The following CRACR2A variants were observed in gnomAD, a reference collection of about 807,000 sequenced individuals.
CRACR2A encodes calcium release activated channel regulator 2A.
Under a neutral mutation model 90.5 loss-of-function variants are expected in CRACR2A, and 79 were observed. The ratio of observed to expected loss-of-function variants is 0.87; its 90% CI spans 0.73 to 1.05. The LOEUF (loss-of-function observed/expected upper bound fraction) is 1.05. CRACR2A is among the 50% of genes least tolerant of loss of function. CRACR2A has a pLI of 0.00. For synonymous variants in CRACR2A, 338 were observed against 356.7 expected (o/e 0.95, Z 0.59); for missense variants, 823 against 897.2 (o/e 0.92, Z 1.06).
chr12:3,619,513 C>T, intron 17 of CRACR2A, 141 bp from the exon 18 acceptor site: 1 of 673,646 alleles, frequency 1.5e-6, no homozygotes, highest in Non-Finnish European at 2.5e-6. Flanking sequence ...ACAGAGTCAT[C>T]CTGAAAGCAG....
chr12:3,641,758 A>T lies in CRACR2A; in HGVS notation c.1245T>A (p.Tyr415Ter), dbSNP rs1176114568. ...KKRSGSVIGK[Y>*]VDSRGILRSQ... is the part of the protein sequence containing the mutation. The stretch of plus-strand genomic sequence containing the variant: ...TCCTAAGAATCCCTCTGCTGTCCAC[A>T]TATTTGCCTATCACAGAGCCAGATC... Residue 415 changes from tyrosine (Y) to a stop codon, truncating the protein, a stop_gained, in exon 13 of 20, where the codon TAT (tyrosine) becomes TAA (stop). Coordinates refer to ENST00000440314, the MANE Select transcript of CRACR2A (RefSeq NM_001144958.2). LOFTEE classifies it high-confidence loss of function. The T allele has an allele frequency of 6.4e-7, 1 of 1,551,584 alleles. No individual in the cohort carries two copies. Among genetic ancestry groups the T allele is most frequent in the African/African-American group, 1.4e-5 (1 of 73,066 alleles).
chr12:3,623,195 G>A (rs114178479), intron 17 of CRACR2A, among the ~76,000 whole-genome samples: 2,163 of 152,316 alleles, frequency 0.014, 42 homozygotes, highest in East Asian at 0.066. Flanking sequence ...TGACAAGTGT[G>A]GGCGCCTTTG....
intron 17 of CRACR2A, among the ~76,000 whole-genome samples, chr12:3,626,645 G>T (rs1944266434): frequency 6.6e-6 from 1 of 152,186 alleles, no homozygotes; most frequent in Non-Finnish European, 1.5e-5. Flanking sequence ...GGTGGAAGGG[G>T]CGGGACATCC....
rs1944417234 is a variant in CRACR2A at position 3,633,943 on chromosome 12, G to A, written c.1603-207C>T. Among the ~76,000 whole-genome samples, 1 of 152,208 alleles carries A rather than the reference G, an allele frequency of 6.6e-6. No individual in the cohort carries two copies. The highest frequency in any genetic ancestry group is 1.5e-5 in the Non-Finnish European group (1 of 68,034). ...TGGAGGCTTTTTCCAGCATCCGCAG[G>A]AGGAAGGAGAAACAGCCACCCAAGC... On this transcript the variant is annotated intron_variant, in intron 14 of 19. Transcript: ENST00000440314. The surrounding 1 kb of genome is among the most constrained non-coding windows in gnomAD (Gnocchi z 4.5).
intron 2 of CRACR2A, among the ~76,000 whole-genome samples, chr12:3,717,072 G>T (rs1318839652): frequency 6.6e-6 from 1 of 152,150 alleles, no homozygotes; most frequent in Non-Finnish European, 1.5e-5. Flanking sequence ...GTCAGGAAAG[G>T]CTTCTGTGGA....
intron 11 of CRACR2A, among the ~76,000 whole-genome samples, chr12:3,645,608 C>A (rs943335591): frequency 5.3e-5 from 8 of 152,152 alleles, no homozygotes; most frequent in African/African-American, 1.9e-4. Context: ...TTGCTGGGGG[C>A]AAGCGTGGGG....
At chr12:3,687,429 A>G (rs1242522574) in intron 4 of CRACR2A, among the ~76,000 whole-genome samples, 1 of 152,028 alleles carries the variant, frequency 6.6e-6, no homozygotes, top group Non-Finnish European at 1.5e-5. Context: ...GCTCCCACTT[A>G]TAAGTAGGAA....
intron 1 of CRACR2A, among the ~76,000 whole-genome samples, chr12:3,738,042 C>T (rs1321656152): frequency 2.0e-5 from 3 of 152,232 alleles, no homozygotes; most frequent in Non-Finnish European, 2.9e-5. Context: ...ATCACAACAC[C>T]CTATGCACTC....
chr12:3,665,001 C>T (rs944980974), intron 7 of CRACR2A, among the ~76,000 whole-genome samples: 3 of 152,172 alleles, frequency 2.0e-5, no homozygotes, highest in African/African-American at 2.4e-5. Context: ...AGTGAGACTC[C>T]GTCTCAAAAA....
chr12:3,741,870 C>T (rs963827088), intron 1 of CRACR2A, among the ~76,000 whole-genome samples: 1 of 152,242 alleles, frequency 6.6e-6, no homozygotes, highest in Non-Finnish European at 1.5e-5. Flanking sequence ...TCCAATTAGG[C>T]CCAATCAGCC....
intron 18 of CRACR2A, among the ~76,000 whole-genome samples, chr12:3,618,520 C>T (rs1479706839): frequency 6.6e-6 from 1 of 152,182 alleles, no homozygotes; most frequent in African/African-American, 2.4e-5. Context: ...ATGTAGATAC[C>T]TGCCAGGCCC....
chr12:3,680,279 C>A lies in CRACR2A; in HGVS notation c.299G>T (p.Gly100Val), dbSNP rs367983644. Residue 100 changes from glycine to valine, a missense_variant, in exon 5 of 20, where the codon GGC (glycine) becomes GTC (valine). By Grantham distance (109) the Gly-to-Val change is moderately radical (BLOSUM62 -3). Coordinates refer to ENST00000440314, the MANE Select transcript of CRACR2A (RefSeq NM_001144958.2). ...CTCCTGTGGGGTCAGATAGCCATTG[C>A]CATCAGCATCCAGGGCATCAAACAC... Reference protein sequence around the residue: ...EDVFDALDADGNGYLTPQEFT... With the variant: ...EDVFDALDADVNGYLTPQEFT... The A allele has an allele frequency of 3.7e-6, 6 of 1,614,088 alleles. No homozygotes were observed. The African/African-American group carries it at 6.7e-5, about 18-fold the overall frequency.
Position 3,750,286 on chromosome 12 carries a change from C to T in CRACR2A, c.-387+2729G>A, listed in dbSNP as rs186275831. On this transcript the variant is annotated intron_variant, in intron 1 of 19. Coordinates refer to ENST00000440314, the MANE Select transcript of CRACR2A (RefSeq NM_001144958.2). The stretch of plus-strand genomic sequence containing the variant: ...GGAGGCTCCTCTGCAAGACAGCGGC[C>T]TCCATGTGTGTCAGTGCAGAAAGCA... 3.4e-4 allele frequency among the ~76,000 whole-genome samples: 52 copies of T among 152,254 alleles called. No homozygotes were observed. In the East Asian group the frequency reaches 9.8e-3, roughly 29 times the overall value.
chr12:3,615,568 C>T (rs1055800621), intron 19 of CRACR2A, 129 bp from the exon 20 acceptor site: 25 of 677,504 alleles, frequency 3.7e-5, no homozygotes, highest in Non-Finnish European at 6.0e-5. Flanking sequence ...CTCACCACGG[C>T]ATCAGAGAGA....
intron 2 of CRACR2A, among the ~76,000 whole-genome samples, chr12:3,723,072 A>G (rs1946208426): frequency 6.6e-6 from 1 of 152,224 alleles, no homozygotes; most frequent in African/African-American, 2.4e-5. Context: ...GACCATTGTA[A>G]CTAAACAATT....
At position 3,633,483 on chromosome 12, in the gene CRACR2A, C is replaced by A; in HGVS notation, c.1735+121G>T. On this transcript the variant is annotated intron_variant, in intron 15 of 19. Transcript: ENST00000440314. This position sits in a 1 kb window ranked among gnomAD's most constrained non-coding sequence, Gnocchi z 4.5. ...TTGAACAGAGCAGACACCAGTATCC[C>A]TACTGGCCAATCCCCATGGCCCTTC... 7.4e-7 allele frequency: 1 copy of A among 1,343,284 alleles called. No homozygotes were observed. Among genetic ancestry groups the A allele is most frequent in the Non-Finnish European group, 1.0e-6 (1 of 982,264 alleles). The allele number at this position is 1,343,284 out of a possible 1,614,324, so 83.2% of individuals were successfully genotyped here.
chr12:3,673,409 C>G, intron 7 of CRACR2A, 37 bp downstream of exon 7: 1 of 1,586,508 alleles, frequency 6.3e-7, no homozygotes, highest in Non-Finnish European at 8.5e-7. Context: ...CTTTTTCACA[C>G]ATAGTTACAG....
rs56414170 is a variant in CRACR2A, at chr12:3,638,854, C to T, written c.1272-400G>A. The stretch of plus-strand genomic sequence containing the variant: ...AGGAGAAGGAAAGGTTGTGAAGAAA[C>T]GTGTCTCAGACTCAGATTTTAATAA... On this transcript the variant is annotated intron_variant, in intron 13 of 19. Coordinates refer to ENST00000440314, the MANE Select transcript of CRACR2A (RefSeq NM_001144958.2). Among the ~76,000 whole-genome samples the T allele has an allele frequency of 2.3e-3, 356 of 152,280 alleles. 1 individual carries two copies. The highest frequency in any genetic ancestry group is 3.1e-3 in the Non-Finnish European group (214 of 68,026).
intron 2 of CRACR2A, chr12:3,728,566 T>G (rs1946307931): frequency 6.6e-6 from 1 of 152,224 alleles, no homozygotes; most frequent in Admixed American, 6.5e-5. Flanking sequence ...CTTGGTCCCA[T>G]CCTCCCCTCA....
Sources: gnomAD v4.1 joint callset for allele counts (sites outside exome capture counted in the v4.1 genomes callset) on GRCh38, gnomAD v4.1.1 for gene constraint, Gnocchi (gnomAD v3.1) non-coding constraint, MANE v1.5 for transcripts, NCBI Gene and HGNC (gene_info 2026-07-23, HGNC 2026-07-21) for gene names.